Variants in ZNF454 observed in about 807,000 individuals in gnomAD.
ZNF454 encodes the protein zinc finger protein 454.
ZNF454 carries 30 observed loss-of-function variants against 48.2 expected under a neutral mutation model. That is an observed-to-expected ratio of 0.62 (90% CI 0.47 to 0.84). The LOEUF is 0.84. Ranked by LOEUF, ZNF454 falls within the 40% of genes least tolerant of loss-of-function variation. The pLI, the probability that ZNF454 is intolerant of heterozygous loss-of-function variation, is 0.00. For missense variants in ZNF454, 510 were observed against 623.1 expected, an observed-to-expected ratio of 0.82 and a Z score of 1.93; for synonymous variants, 204 against 211.4, an observed-to-expected ratio of 0.97 and a Z score of 0.30.
At chr5:178,985,895 A>C in the ZNF454 span, 1 of 568,890 alleles carries the variant, frequency 1.8e-6, no homozygotes, top group Non-Finnish European at 3.2e-6. Flanking sequence ...CCAAGTAGCT[A>C]GGACTACAGG....
downstream of ZNF454, chr5:178,969,675 A>C (rs1760212018): frequency 2.2e-6 from 1 of 456,112 alleles, no homozygotes; most frequent in African/African-American, 2.0e-5. Flanking sequence ...CCCGCCCCTC[A>C]CCTGGGCCAT....
the ZNF454 span, among the ~76,000 whole-genome samples, chr5:178,984,602 A>G: frequency 6.6e-6 from 1 of 152,042 alleles, no homozygotes; most frequent in African/African-American, 2.4e-5. Context: ...AAGCATCTCC[A>G]CCTGAGGGTG....
At chr5:178,985,641 T>G in the ZNF454 span, 62 of 375,078 alleles carry the variant, frequency 1.7e-4, no homozygotes, top group South Asian at 1.1e-3. Context: ...AGGCAGAGCT[T>G]GCAGGGAGCT....
At chr5:178,978,398 A>G in the ZNF454 span, 15 of 152,376 alleles carry the variant, frequency 9.8e-5, 1 homozygote, top group Admixed American at 9.2e-4. Context: ...CTTTACAGTA[A>G]GCAATGAATG....
At chr5:178,974,359 G>C in the ZNF454 span, among the ~76,000 whole-genome samples, 8 of 151,994 alleles carry the variant, frequency 5.3e-5, no homozygotes, top group African/African-American at 1.9e-4. Context: ...TCGCTGTGTC[G>C]CCAGGCTGGA....
At chr5:178,985,294 C>T in the ZNF454 span, 21 of 456,064 alleles carry the variant, frequency 4.6e-5, no homozygotes, top group Admixed American at 3.8e-4. Flanking sequence ...TCTGGAGGCC[C>T]ACACTCCCCA....
chr5:178,964,841 A>G lies in ZNF454; in HGVS notation c.437A>G (p.Asn146Ser). Residue 146 changes from asparagine to serine, a missense_variant, in exon 5 of 5, where the codon AAC becomes AGC. This residue lies in a region of ZNF454 where 354 missense variants were observed against 408.9 expected (regional missense o/e 0.87). Coordinates refer to ENST00000519564, the MANE Select transcript of ZNF454 (RefSeq NM_001178089.3). ...CAGCGAGTGGTACTCACTCACCCCA[A>G]CACCCCATCACAGGAATGTGATGAA... is the stretch of plus-strand genomic sequence containing the variant. ...SLQRVVLTHP[N>S]TPSQECDESG... is the part of the protein sequence containing the mutation. 6.2e-7 allele frequency: 1 copy of G among 1,614,196 alleles called. No individual in the cohort carries two copies. The highest frequency in any genetic ancestry group is 8.5e-7 in the Non-Finnish European group (1 of 1,180,026).
the ZNF454 span, chr5:178,985,125 C>T: frequency 1.5e-5 from 5 of 327,026 alleles, no homozygotes; most frequent in African/African-American, 8.9e-5. Context: ...GGACCCTGTG[C>T]CTCTCATCCA....
At chr5:178,987,370 A>G in the ZNF454 span, 1 of 468,732 alleles carries the variant, frequency 2.1e-6, no homozygotes, top group Admixed American at 2.3e-5. Context: ...CCACGTTCAC[A>G]GCAGCGTTAT....
chr5:178,945,050 T>C (rs1759256165), intron 2 of ZNF454, among the ~76,000 whole-genome samples: 1 of 130,994 alleles, frequency 7.6e-6, no homozygotes, highest in African/African-American at 2.9e-5. Flanking sequence ...GTGTTGAGGG[T>C]GTGTGTCACA....
At position 178,947,003 on chromosome 5, in the gene ZNF454, TG is replaced by T. The variant is rs1277429741; in HGVS notation, c.250+20del. ...TCTGTCTTGGTAAGAATCATGTGTG[TG>T]GGAGACACCGGGAGGAGCCCTGCTG... On this transcript the variant is annotated intron_variant, in intron 4 of 4. Coordinates refer to ENST00000519564, the MANE Select transcript of ZNF454 (RefSeq NM_001178089.3). 6.2e-7 allele frequency: 1 copy of T among 1,609,016 alleles called. No individual in the cohort carries two copies. The highest frequency in any genetic ancestry group is 8.5e-7 in the Non-Finnish European group (1 of 1,177,090).
rs1438718112 is a variant in ZNF454 at position 178,944,388 on chromosome 5, T to G, written c.33+1564T>G. On this transcript the variant is annotated intron_variant, in intron 2 of 4. Transcript: ENST00000519564. This position sits in a 1 kb window ranked among gnomAD's most constrained non-coding sequence, Gnocchi z 4.1. ...AAAGTCACTGTCGGTGTCATACAATTTATCTTGTGTTTATAGGCTGCCTTG... is the reference window on the plus strand; with the variant it reads ...AAAGTCACTGTCGGTGTCATACAATGTATCTTGTGTTTATAGGCTGCCTTG... 6.6e-6 allele frequency among the ~76,000 whole-genome samples: 1 copy of G among 152,220 alleles called. No homozygotes were observed. Among genetic ancestry groups the G allele is most frequent in the African/African-American group, 2.4e-5 (1 of 41,452 alleles).
At chr5:178,986,744 G>C in the ZNF454 span, 1 of 1,607,350 alleles carries the variant, frequency 6.2e-7, no homozygotes, top group South Asian at 1.1e-5. Flanking sequence ...GACCACTGCA[G>C]GGCCTCCACC....
chr5:178,976,109 C>A, the ZNF454 span: 1 of 455,712 alleles, frequency 2.2e-6, no homozygotes, highest in Non-Finnish European at 4.4e-6. Flanking sequence ...CTTGCCACTC[C>A]GCCTGCAGGA....
intron 4 of ZNF454, chr5:178,956,912 T>C: frequency 3.3e-6 from 1 of 305,788 alleles, no homozygotes; most frequent in Non-Finnish European, 6.7e-6. Context: ...TTAGATGGAG[T>C]CTCACTCTGT....
At chr5:178,951,347 T>G (rs1270932886) in intron 4 of ZNF454, among the ~76,000 whole-genome samples, 1 of 152,198 alleles carries the variant, frequency 6.6e-6, no homozygotes, top group Non-Finnish European at 1.5e-5. Flanking sequence ...CCATCCAGCT[T>G]GGGTACTGGA....
rs537486483 is a variant in ZNF454 at position 178,956,613 on chromosome 5, G to A, written c.251-8042G>A. ...TGAGTTGGGAAAAGGATGGGAAGAG[G>A]ATCTGGGCACCTAAGGTCAGGGTAA... On this transcript the variant is annotated intron_variant, in intron 4 of 4. Transcript: ENST00000519564. 4.6e-5 allele frequency among the ~76,000 whole-genome samples: 7 copies of A among 151,182 alleles called. No individual in the cohort carries two copies. In the East Asian group the frequency reaches 1.4e-3, roughly 29 times the overall value.
the ZNF454 span, chr5:178,985,694 C>T: frequency 6.4e-5 from 24 of 374,094 alleles, no homozygotes; most frequent in African/African-American, 2.5e-4. Flanking sequence ...CACAGCGAGA[C>T]TCTGTCTAAA....
the ZNF454 span, chr5:178,989,700 C>CGA: frequency 3.9e-5 from 20 of 506,982 alleles, no homozygotes; most frequent in Admixed American, 1.6e-4. Flanking sequence ...AAACTCAGAG[C>CGA]CTCACCATTT....
Sources: gnomAD v4.1 joint callset for allele counts (sites outside exome capture counted in the v4.1 genomes callset) on GRCh38, gnomAD v4.1.1 for gene constraint, gnomAD v4.1.1 regional missense constraint, Gnocchi (gnomAD v3.1) non-coding constraint, MANE v1.5 for transcripts, NCBI Gene and HGNC (gene_info 2026-07-23, HGNC 2026-07-21) for gene names.